FHIP1A: variants seen among roughly 807,000 people sequenced by gnomAD.
The protein encoded by FHIP1A is FHF complex subunit HOOK-interacting protein 1A.
FHIP1A carries 61 observed loss-of-function variants against 88.6 expected under a neutral mutation model. That is an observed-to-expected ratio of 0.69 (90% CI 0.56 to 0.85). The LOEUF (loss-of-function observed/expected upper bound fraction) is 0.85, where lower values mean the gene tolerates loss of function less well. FHIP1A is among the 40% of genes least tolerant of loss of function. FHIP1A has a pLI of 0.00. For missense variants in FHIP1A, 1,154 were observed against 1,273.5 expected, an observed-to-expected ratio of 0.91 and a Z score of 1.43; for synonymous variants, 478 against 496.0, an observed-to-expected ratio of 0.96 and a Z score of 0.48.
At chr4:151,523,563 T>A (rs1161535594) in intron 3 of FHIP1A, among the ~76,000 whole-genome samples, 2 of 152,198 alleles carry the variant, frequency 1.3e-5, no homozygotes, top group Non-Finnish European at 2.9e-5. Context: ...GTTTTTGTAT[T>A]CTTTCAACAA....
chr4:151,533,361 G>A (rs1363752780), intron 3 of FHIP1A, among the ~76,000 whole-genome samples: 1 of 152,178 alleles, frequency 6.6e-6, no homozygotes, highest in East Asian at 1.9e-4. Flanking sequence ...GCTGCAGTGA[G>A]TTGTGATTGT....
In FHIP1A at chr4:151,440,588, T is replaced by C. The variant is rs536334937; in HGVS notation, c.-355-14113T>C. On this transcript the variant is annotated intron_variant, in intron 1 of 13. Transcript: ENST00000435205. ...GGCAGCCACACCTAGAACAGAAAAA[T>C]TCAGTGATTTTCAAGGGGATTTAGG... is the stretch of plus-strand genomic sequence containing the variant. 9.9e-5 allele frequency among the ~76,000 whole-genome samples: 15 copies of C among 151,746 alleles called. No homozygotes were observed. The South Asian group carries it at 3.2e-3, about 32-fold the overall frequency.
intron 7 of FHIP1A, among the ~76,000 whole-genome samples, chr4:151,603,100 C>T (rs7653926): frequency 0.11 from 16,926 of 152,014 alleles, 977 homozygotes; most frequent in African/African-American, 0.13. Flanking sequence ...ATCACGAGGT[C>T]GGGAGTTAGA....
chr4:151,458,440 T>C (rs1729040372), intron 2 of FHIP1A, among the ~76,000 whole-genome samples: 1 of 152,078 alleles, frequency 6.6e-6, no homozygotes, highest in Non-Finnish European at 1.5e-5. Flanking sequence ...CCAGGTACTT[T>C]GGGAAGTGAT....
intron 9 of FHIP1A, among the ~76,000 whole-genome samples, chr4:151,643,408 G>A (rs549130772): frequency 6.6e-6 from 1 of 152,140 alleles, no homozygotes; most frequent in African/African-American, 2.4e-5. Flanking sequence ...AATCAAATCG[G>A]GATCATTAGG....
At chr4:151,497,531 T>A (rs1470668308) in intron 3 of FHIP1A, among the ~76,000 whole-genome samples, 1 of 152,258 alleles carries the variant, frequency 6.6e-6, no homozygotes, top group African/African-American at 2.4e-5. Flanking sequence ...GAAAAGTTTA[T>A]CAGCTTGTAG....
intron 7 of FHIP1A, among the ~76,000 whole-genome samples, chr4:151,608,045 T>TTTTC (rs1735150201): frequency 7.8e-6 from 1 of 128,444 alleles, no homozygotes; most frequent in Non-Finnish European, 1.6e-5. Context: ...TTCTTTTTTT[T>TTTTC]TTTTTTTTTT....
intron 7 of FHIP1A, among the ~76,000 whole-genome samples, chr4:151,615,051 T>C (rs1264260825): frequency 6.6e-6 from 1 of 152,158 alleles, no homozygotes; most frequent in Non-Finnish European, 1.5e-5. Context: ...CAAATGTAGC[T>C]GAATTGGTTG....
At chr4:151,624,935 G>A (rs1379360728) in intron 7 of FHIP1A, among the ~76,000 whole-genome samples, 5 of 152,168 alleles carry the variant, frequency 3.3e-5, no homozygotes, top group African/African-American at 9.7e-5. Flanking sequence ...TGAGAACCAG[G>A]GCGTCTGTCT....
intron 3 of FHIP1A, among the ~76,000 whole-genome samples, chr4:151,491,389 A>G (rs1730275730): frequency 6.6e-6 from 1 of 152,220 alleles, no homozygotes; most frequent in Non-Finnish European, 1.5e-5. Flanking sequence ...ATCCAGTGAA[A>G]CTAAGCTTCA....
intron 1 of FHIP1A, among the ~76,000 whole-genome samples, chr4:151,422,895 C>A (rs1452844267): frequency 6.6e-6 from 1 of 152,170 alleles, no homozygotes; most frequent in East Asian, 1.9e-4. Flanking sequence ...AGGTTCTCTG[C>A]CAGTGAATCG....
At chr4:151,465,678 A>G (rs1729285471) in intron 2 of FHIP1A, among the ~76,000 whole-genome samples, 1 of 152,232 alleles carries the variant, frequency 6.6e-6, no homozygotes, top group South Asian at 2.1e-4. Context: ...GTCCACCACG[A>G]TCAAGTAGGC....
intron 1 of FHIP1A, among the ~76,000 whole-genome samples, chr4:151,417,337 C>T (rs953519888): frequency 2.6e-5 from 4 of 152,030 alleles, no homozygotes; most frequent in African/African-American, 4.8e-5. Context: ...TTGCAGAAAG[C>T]GACCAAGCAC....
intron 3 of FHIP1A, among the ~76,000 whole-genome samples, chr4:151,522,791 C>G (rs1731493872): frequency 6.6e-6 from 1 of 151,908 alleles, no homozygotes; most frequent in Admixed American, 6.6e-5. Flanking sequence ...TTCCTTTTTT[C>G]ACAATAAGAT....
intron 3 of FHIP1A, among the ~76,000 whole-genome samples, chr4:151,561,250 T>C (rs1400387872): frequency 6.6e-6 from 1 of 152,220 alleles, no homozygotes; most frequent in Non-Finnish European, 1.5e-5. Flanking sequence ...AATAAGATTC[T>C]GATTTACTGA....
chr4:151,596,784 C>T (rs1262603331), intron 7 of FHIP1A, among the ~76,000 whole-genome samples: 1 of 152,102 alleles, frequency 6.6e-6, no homozygotes, highest in Admixed American at 6.5e-5. Context: ...GATCTTCAAT[C>T]TCTGATATCC....
chr4:151,477,474 T>C (rs56092201), intron 2 of FHIP1A, among the ~76,000 whole-genome samples: 10 of 152,120 alleles, frequency 6.6e-5, no homozygotes, highest in South Asian at 2.1e-4. Flanking sequence ...CTAAGTAAGA[T>C]AGAAAACTGA....
chr4:151,542,288 T>A (rs1732323949), intron 3 of FHIP1A, among the ~76,000 whole-genome samples: 2 of 152,168 alleles, frequency 1.3e-5, no homozygotes, highest in African/African-American at 4.8e-5. Flanking sequence ...AAACAACATT[T>A]AAGGAAATCA....
rs370065238 is a variant in FHIP1A, at chr4:151,502,157, GA to G, written c.-123+19525del. Among the ~76,000 whole-genome samples the G allele has an allele frequency of 1.2e-3, 136 of 114,172 alleles. 1 individual carries two copies. The highest frequency in any genetic ancestry group is 2.8e-3 in the African/African-American group (87 of 31,018). 74.9% of individuals were successfully genotyped at this position (114,172 alleles called of 152,430 possible). On this transcript the variant is annotated intron_variant, in intron 3 of 13. Transcript: ENST00000435205. Reference sequence around the variant, plus strand: ...ATAGGGAGAATCTGTCTCTACAAAAGAAAAAAAAAAAAAAAAGAAAAGAAAA... The same window carrying G: ...ATAGGGAGAATCTGTCTCTACAAAAGAAAAAAAAAAAAAAAGAAAAGAAAA...
Sources: allele counts gnomAD v4.1 joint callset (sites outside exome capture counted in the v4.1 genomes callset), GRCh38; gene constraint gnomAD v4.1.1; transcripts MANE v1.5; gene names NCBI Gene and HGNC (gene_info 2026-07-23, HGNC 2026-07-21).